Variants in ISL2 observed in about 807,000 individuals in gnomAD.
ISL2 encodes the protein insulin gene enhancer protein ISL-2.
In ISL2, 17 loss-of-function variants were observed where a neutral mutation model predicts 34.6. The observed-to-expected ratio is 0.49, with a 90% CI of 0.34 to 0.74. The LOEUF (loss-of-function observed/expected upper bound fraction) is 0.74. Ranked by LOEUF, ISL2 falls within the 30% of genes least tolerant of loss-of-function variation. ISL2 has a pLI of 0.01. For missense variants in ISL2, 469 were observed against 515.2 expected (o/e 0.91, Z 0.87); for synonymous variants, 232 against 225.5 (o/e 1.03, Z -0.26).
At position 76,341,852 on chromosome 15, in the gene ISL2, C is replaced by T; in HGVS notation, c.*17C>T. On this transcript the variant is annotated 3_prime_UTR_variant, in exon 6 of 6. Coordinates refer to ENST00000290759, the MANE Select transcript of ISL2 (RefSeq NM_145805.3). The stretch of plus-strand genomic sequence containing the variant: ...GAGACGTGAGGGGGACCCCTCCCTG[C>T]CAGCCCGCGGACCTCGCATGCTCCC... 1.3e-6 allele frequency: 2 copies of T among 1,559,898 alleles called. No homozygotes were observed. The highest frequency in any genetic ancestry group is 1.8e-6 in the Non-Finnish European group (2 of 1,131,696).
chr15:76,338,843 G>A, intron 3 of ISL2: 8 of 985,388 alleles, frequency 8.1e-6, no homozygotes, highest in Non-Finnish European at 9.6e-6. Flanking sequence ...CCGTCTTGGG[G>A]CTTGTATTAG....
Position 76,336,803 on chromosome 15 carries a change from T to C in ISL2, c.-81T>C, listed in dbSNP as rs954054444. The C allele has an allele frequency of 3.1e-5, 39 of 1,259,402 alleles. 1 individual carries two copies. The highest frequency in any genetic ancestry group is 4.5e-5 in the Non-Finnish European group (39 of 858,712). 78.0% of individuals were successfully genotyped at this position (1,259,402 alleles called of 1,614,324 possible). A position where few individuals can be genotyped will look rare whatever the true frequency, so the allele number is the denominator to read the frequency against. On this transcript the variant is annotated 5_prime_UTR_variant, in exon 1 of 6. Coordinates refer to ENST00000290759, the MANE Select transcript of ISL2 (RefSeq NM_145805.3). ...AACTCCGCGGGGCAGTAGGAGTTAG[T>C]TAGCAAAGAGCCGAGGCCGGGCGCG...
At chr15:76,339,508 T>C (rs1309512856) in intron 3 of ISL2, 8 of 985,576 alleles carry the variant, frequency 8.1e-6, no homozygotes, top group Non-Finnish European at 9.6e-6. Flanking sequence ...CCTTTGTTTG[T>C]TTCGGGCTTC....
chr15:76,340,344 G>A lies in ISL2; in HGVS notation c.580G>A (p.Val194Met), dbSNP rs1413681382. Residue 194 changes from valine to methionine, a missense_variant, in exon 4 of 6, where the codon GTG (valine) becomes ATG (methionine). Physicochemically the swap from Val to Met is conservative, Grantham distance 21 (BLOSUM62 1). Around this residue, in one of 3 missense-constraint regions of ISL2, gnomAD observed 297 missense variants for 337.8 expected, o/e 0.88. Transcript: ENST00000290759. The stretch of plus-strand genomic sequence containing the variant: ...CAAGCAGACGGAGAAGACGACCCGC[G>A]TGCGGACTGTGCTGAACGAGAAGCA... ...VHKQTEKTTR[V>M]RTVLNEKQLH... 2.5e-6 allele frequency: 4 copies of A among 1,612,652 alleles called. No homozygotes were observed. The highest frequency in any genetic ancestry group is 3.4e-6 in the Non-Finnish European group (4 of 1,179,900).
intron 3 of ISL2, chr15:76,339,058 G>A (rs1365278395): frequency 3.0e-6 from 3 of 985,230 alleles, no homozygotes; most frequent in African/African-American, 3.5e-5. Context: ...GGGAGGGGGA[G>A]TATCAATGCA....
chr15:76,337,920 G>A lies in ISL2; in HGVS notation c.201G>A (p.Thr67=). 6.2e-7 allele frequency: 1 copy of A among 1,611,522 alleles called. No homozygotes were observed. The highest frequency in any genetic ancestry group is 8.5e-7 in the Non-Finnish European group (1 of 1,179,048). ...ECSQYLDETC[T]CFVRDGKTYC... The stretch of plus-strand genomic sequence containing the variant: ...GCCAGTACCTGGACGAGACGTGCAC[G>A]TGCTTCGTGAGAGACGGGAAGACCT... Residue 67 remains threonine, a synonymous_variant, in exon 2 of 6, where the codon ACG becomes ACA. Transcript: ENST00000290759.
chr15:76,336,967 G>T (rs759137496), intron 1 of ISL2, 26 bp downstream of exon 1: 2 of 1,591,214 alleles, frequency 1.3e-6, no homozygotes, highest in South Asian at 1.1e-5. Context: ...TGTGTGTGGG[G>T]TGGGGTGTGT....
intron 3 of ISL2, chr15:76,339,773 C>G: frequency 1.0e-6 from 1 of 993,376 alleles, no homozygotes; most frequent in Non-Finnish European, 1.2e-6. Context: ...TCCAAATGGG[C>G]TCTGAAGGAG....
chr15:76,341,641 G>T, intron 5 of ISL2, 78 bp from the exon 6 acceptor site: 1 of 1,132,528 alleles, frequency 8.8e-7, no homozygotes, highest in South Asian at 1.3e-5. Flanking sequence ...GACACTTTCC[G>T]ACTCGGAGCA....
intron 1 of ISL2, 95 bp from the exon 2 acceptor site, chr15:76,337,683 A>G: frequency 9.0e-7 from 1 of 1,106,042 alleles, no homozygotes; most frequent in Non-Finnish European, 1.3e-6. Context: ...AGAAAGAGCA[A>G]GAGAGCGAGC....
Sources: allele counts gnomAD v4.1 joint callset, GRCh38; gene constraint gnomAD v4.1.1; regional missense constraint gnomAD v4.1.1; transcripts MANE v1.5; gene names NCBI Gene and HGNC (gene_info 2026-07-23, HGNC 2026-07-21).